Variants in VPS29 observed in about 807,000 individuals in gnomAD.
The protein encoded by VPS29 is vacuolar protein sorting-associated protein 29.
VPS29 carries 2 observed loss-of-function variants against 20.0 expected under a neutral mutation model. That is an observed-to-expected ratio of 0.10 (90% CI 0.04 to 0.31). VPS29 has a LOEUF of 0.31. Among genes scored for constraint, VPS29 ranks in the 10% least tolerant of loss-of-function variants. The pLI, the probability that VPS29 is intolerant of heterozygous loss-of-function variation, is 1.00. For synonymous variants in VPS29, 81 were observed against 79.3 expected (o/e 1.02, Z -0.12); for missense variants, 120 against 215.3 (o/e 0.56, Z 2.77).
intron 1 of VPS29, 52 bp downstream of exon 1, chr12:110,501,997 G>C (rs2063077986): frequency 6.2e-7 from 1 of 1,612,880 alleles, no homozygotes; most frequent in Admixed American, 1.7e-5. Flanking sequence ...TCCCAACAAC[G>C]CAGCACCCCA....
intron 2 of VPS29, among the ~76,000 whole-genome samples, chr12:110,495,538 C>A (rs186632024): frequency 6.6e-6 from 1 of 151,872 alleles, no homozygotes; most frequent in Non-Finnish European, 1.5e-5. Flanking sequence ...CGGCAAAACG[C>A]CATCTCTACT....
At chr12:110,500,430 C>T (rs1277652729) in intron 1 of VPS29, among the ~76,000 whole-genome samples, 1 of 152,184 alleles carries the variant, frequency 6.6e-6, no homozygotes, top group Non-Finnish European at 1.5e-5. Context: ...ATTATGTCTT[C>T]TCCCATGGAT....
Position 110,494,585 on chromosome 12 carries a change from T to C in VPS29, c.196-1354A>G, listed in dbSNP as rs117034097. Among the ~76,000 whole-genome samples, 1,041 of 151,712 alleles carry C rather than the reference T, an allele frequency of 6.9e-3. 1 individual carries two copies. The highest frequency in any genetic ancestry group is 9.4e-3 in the Non-Finnish European group (636 of 67,884). On this transcript the variant is annotated intron_variant, in intron 2 of 3. Transcript: ENST00000549578. Reference sequence around the variant, plus strand: ...AAAATTTTCAAACTAGAATCAGGTTTATTATGCTACACCATACAATGTTGG... The same window carrying C: ...AAAATTTTCAAACTAGAATCAGGTTCATTATGCTACACCATACAATGTTGG...
At chr12:110,499,499 C>T in intron 1 of VPS29, 4 of 1,611,768 alleles carry the variant, frequency 2.5e-6, no homozygotes, top group Non-Finnish European at 3.4e-6. Flanking sequence ...GCCACCCAAC[C>T]ACCACTGTTA....
At chr12:110,501,715 C>T in intron 1 of VPS29, 1 of 1,276,808 alleles carries the variant, frequency 7.8e-7, no homozygotes, top group South Asian at 1.3e-5. Context: ...GTGCCCCTAT[C>T]CCCGGAACAT....
intron 1 of VPS29, chr12:110,499,586 GAA>G: frequency 7.4e-7 from 1 of 1,350,464 alleles, no homozygotes. Context: ...CAGGGGGGAT[GAA>G]AAAAAAAGGG....
At chr12:110,499,474 T>C (rs562923007) in intron 1 of VPS29, 2 of 1,608,444 alleles carry the variant, frequency 1.2e-6, no homozygotes, top group East Asian at 4.5e-5. Flanking sequence ...GGGTAAGAAA[T>C]CCAGTCAGTA....
chr12:110,499,475 CCA>C, intron 1 of VPS29: 5 of 1,608,430 alleles, frequency 3.1e-6, no homozygotes, highest in Non-Finnish European at 3.4e-6. Flanking sequence ...GGTAAGAAAT[CCA>C]GTCAGTAAAC....
intron 1 of VPS29, among the ~76,000 whole-genome samples, chr12:110,498,580 G>A (rs932762707): frequency 6.6e-5 from 10 of 152,278 alleles, no homozygotes; most frequent in Admixed American, 1.3e-4. Flanking sequence ...AAAAGGAACC[G>A]TTACCAGGAC....
chr12:110,501,191 G>C (rs1489583360), intron 1 of VPS29, among the ~76,000 whole-genome samples: 1 of 151,942 alleles, frequency 6.6e-6, no homozygotes, highest in Non-Finnish European at 1.5e-5. Context: ...AAGAAAGAAA[G>C]AAAATATGAT....
chr12:110,500,618 T>C (rs1460760486), intron 1 of VPS29, among the ~76,000 whole-genome samples: 2 of 152,226 alleles, frequency 1.3e-5, no homozygotes, highest in African/African-American at 4.8e-5. Flanking sequence ...ATCTTAAAAA[T>C]GCATAGCTTC....
intron 1 of VPS29, chr12:110,501,566 G>A: frequency 6.5e-7 from 1 of 1,535,306 alleles, no homozygotes; most frequent in Non-Finnish European, 8.7e-7. Flanking sequence ...TTCCCTAGAT[G>A]GCAAAGTTAA....
At chr12:110,497,090 T>C (rs2062918545) in intron 1 of VPS29, 1 of 152,062 alleles carries the variant, frequency 6.6e-6, no homozygotes, top group South Asian at 2.1e-4. Flanking sequence ...GTGATAAATT[T>C]AGCATAAGGT....
intron 1 of VPS29, chr12:110,501,280 G>A (rs1331110026): frequency 8.8e-6 from 10 of 1,130,370 alleles, no homozygotes; most frequent in Non-Finnish European, 1.3e-5. Context: ...TACTGGGGGT[G>A]AAGGGGTGAT....
chr12:110,501,908 C>T, intron 1 of VPS29, 141 bp downstream of exon 1: 1 of 1,569,368 alleles, frequency 6.4e-7, no homozygotes, highest in Non-Finnish European at 8.6e-7. Context: ...TCTTCTGGGC[C>T]TTTCCCAGGC....
At chr12:110,493,330 G>C in intron 2 of VPS29, 99 bp from the exon 3 acceptor site, 1 of 823,228 alleles carries the variant, frequency 1.2e-6, no homozygotes. Context: ...TGGATGTTTT[G>C]ATGTAGTACC....
chr12:110,496,901 A>G (rs2062915730), intron 1 of VPS29: 1 of 152,212 alleles, frequency 6.6e-6, no homozygotes, highest in Non-Finnish European at 1.5e-5. Flanking sequence ...TTTGAATTAT[A>G]ATCTTTGATA....
intron 1 of VPS29, among the ~76,000 whole-genome samples, chr12:110,499,908 T>C (rs916785280): frequency 4.2e-4 from 64 of 152,356 alleles, no homozygotes; most frequent in African/African-American, 1.5e-3. Flanking sequence ...TATAAAATAA[T>C]GAATTTGGAT....
chr12:110,493,262 G>T (rs566516874), intron 2 of VPS29, 31 bp from the exon 3 acceptor site: 1 of 1,391,182 alleles, frequency 7.2e-7, no homozygotes, highest in Non-Finnish European at 9.5e-7. Flanking sequence ...AAGAAAATAT[G>T]TATTTTAGAG....
Sources: gnomAD v4.1 joint callset for allele counts (sites outside exome capture counted in the v4.1 genomes callset) on GRCh38, gnomAD v4.1.1 for gene constraint, MANE v1.5 for transcripts, NCBI Gene and HGNC (gene_info 2026-07-23, HGNC 2026-07-21) for gene names.